DOCK4: variants seen among roughly 807,000 people sequenced by gnomAD.
DOCK4 encodes dedicator of cytokinesis protein 4.
In DOCK4, 97 loss-of-function variants were observed where a neutral mutation model predicts 268.1. The observed-to-expected ratio is 0.36, with a 90% confidence interval of 0.31 to 0.43. The LOEUF (loss-of-function observed/expected upper bound fraction) is 0.43. Among genes scored for constraint, DOCK4 ranks in the 20% least tolerant of loss-of-function variants. DOCK4 has a pLI of 1.00. For missense variants in DOCK4, 2,145 were observed against 2,455.7 expected (o/e 0.87, Z 2.67); for synonymous variants, 954 against 887.2 (o/e 1.08, Z -1.34).
chr7:112,091,450 A>G (rs999446193), intron 1 of DOCK4, among the ~76,000 whole-genome samples: 2 of 152,158 alleles, frequency 1.3e-5, no homozygotes, highest in Admixed American at 6.5e-5. Flanking sequence ...TCTGAATTCT[A>G]GAAAGATGTA....
At position 111,844,880 on chromosome 7, in the gene DOCK4, C is replaced by T; in HGVS notation, c.2619G>A (p.Glu873=). The T allele has an allele frequency of 6.2e-7, 1 of 1,611,414 alleles. No homozygotes were observed. Among genetic ancestry groups the T allele is most frequent in the Non-Finnish European group, 8.5e-7 (1 of 1,178,768 alleles). ...KKNSSEKSVL[E]EIDVIVASLL... ...AGCTGGCCACTATCACATCTATTTC[C>T]TCCAGCACAGATTTTTCCTTAAGAG... Residue 873 remains glutamate (E), a synonymous_variant, in exon 25 of 53, where the codon GAG becomes GAA. Coordinates refer to ENST00000428084, the MANE Select transcript of DOCK4 (RefSeq NM_001363540.2).
At chr7:111,811,758 T>G in intron 28 of DOCK4, 116 bp downstream of exon 28, 1 of 667,704 alleles carries the variant, frequency 1.5e-6, no homozygotes, top group Non-Finnish European at 2.7e-6. Context: ...ATGAAAACTG[T>G]TCTAATATTC....
rs1818030828 is a variant in DOCK4, at chr7:112,170,887, C to T, written c.37+35215G>A. Among the ~76,000 whole-genome samples, 4 of 152,268 alleles carry T rather than the reference C, an allele frequency of 2.6e-5. 1 individual carries two copies. The highest frequency in any genetic ancestry group is 9.6e-5 in the African/African-American group (4 of 41,568). On this transcript the variant is annotated intron_variant, in intron 1 of 52. Transcript: ENST00000428084. The stretch of plus-strand genomic sequence containing the variant: ...ACCATATATGATAAAAAAAATTGCA[C>T]TTTTAGTGCGATGATCCCAGTCAGA...
chr7:111,807,079 A>G (rs1012776544), intron 30 of DOCK4, among the ~76,000 whole-genome samples: 2 of 152,212 alleles, frequency 1.3e-5, no homozygotes, highest in Admixed American at 1.3e-4. Context: ...TTTATGTGGA[A>G]ATAACCATAG....
In DOCK4 at chr7:112,196,513, G is replaced by A. The variant is rs915566088; in HGVS notation, c.37+9589C>T. On this transcript the variant is annotated intron_variant, in intron 1 of 52. Coordinates refer to ENST00000428084, the MANE Select transcript of DOCK4 (RefSeq NM_001363540.2). ...ACCTACCCACCTTCCTGTCCTGCTCGTTTCTGAGAGTGGTCATCTCTCAAC... is the reference window on the plus strand; with the variant it reads ...ACCTACCCACCTTCCTGTCCTGCTCATTTCTGAGAGTGGTCATCTCTCAAC... 8.5e-5 allele frequency among the ~76,000 whole-genome samples: 13 copies of A among 152,066 alleles called. 1 individual carries two copies. Among genetic ancestry groups the A allele is most frequent in the African/African-American group, 1.2e-4 (5 of 41,410 alleles).
intron 23 of DOCK4, among the ~76,000 whole-genome samples, chr7:111,855,603 A>T (rs918942404): frequency 2.0e-5 from 3 of 152,152 alleles, no homozygotes; most frequent in Non-Finnish European, 2.9e-5. Context: ...CTAGAAATAT[A>T]AATGTGAGAG....
chr7:111,734,845 G>A (rs1167497189), intron 51 of DOCK4, among the ~76,000 whole-genome samples: 1 of 152,170 alleles, frequency 6.6e-6, no homozygotes, highest in Non-Finnish European at 1.5e-5. Flanking sequence ...AAATCTGTCC[G>A]AGAGGCTTAC....
intron 12 of DOCK4, among the ~76,000 whole-genome samples, chr7:111,926,116 G>C (rs1254639373): frequency 7.9e-6 from 1 of 126,860 alleles, no homozygotes; most frequent in Non-Finnish European, 1.6e-5. Flanking sequence ...GAGAGAGAAA[G>C]AGAAAAAGAA....
At chr7:111,942,548 G>C (rs1795295281) in intron 10 of DOCK4, among the ~76,000 whole-genome samples, 2 of 152,094 alleles carry the variant, frequency 1.3e-5, no homozygotes, top group Admixed American at 6.5e-5. Flanking sequence ...TTTCCTGCCA[G>C]TTCTGATCAG....
intron 51 of DOCK4, 46 bp from the exon 52 acceptor site, chr7:111,732,333 C>T (rs534077874): frequency 2.8e-5 from 44 of 1,594,636 alleles, no homozygotes; most frequent in South Asian, 7.8e-5. Context: ...AAAAACCAGA[C>T]GATTGACTAT....
At chr7:111,742,282 G>A (rs1299904462) in intron 44 of DOCK4, 150 bp from the exon 45 acceptor site, 1 of 772,106 alleles carries the variant, frequency 1.3e-6, no homozygotes, top group East Asian at 3.3e-5. Flanking sequence ...CACTTTACAG[G>A]TGAAGAAAAA....
intron 25 of DOCK4, among the ~76,000 whole-genome samples, chr7:111,839,279 C>T (rs190899699): frequency 6.6e-6 from 1 of 152,234 alleles, no homozygotes; most frequent in Admixed American, 6.5e-5. Flanking sequence ...CTTAACTATG[C>T]CTTGACTTAA....
rs1378743300 is a variant in DOCK4, at chr7:112,061,744, C to CAT, written c.38-57614_38-57613insAT. On this transcript the variant is annotated intron_variant, in intron 1 of 52. Coordinates refer to ENST00000428084, the MANE Select transcript of DOCK4 (RefSeq NM_001363540.2). ...CTGGGAAGATATTAACAATGTCACACACACACACACACACACACACACACA... is the reference window on the plus strand; with the variant it reads ...CTGGGAAGATATTAACAATGTCACACATACACACACACACACACACACACACA... Among the ~76,000 whole-genome samples the CAT allele has an allele frequency of 1.0e-4, 12 of 119,216 alleles. 1 individual carries two copies. In the South Asian group the frequency reaches 3.0e-3, roughly 29 times the overall value. The allele number at this position is 119,216 out of a possible 152,430, so 78.2% of individuals were successfully genotyped here.
At chr7:111,969,260 A>G (rs1797497705) in intron 8 of DOCK4, among the ~76,000 whole-genome samples, 1 of 151,992 alleles carries the variant, frequency 6.6e-6, no homozygotes, top group Admixed American at 6.6e-5. Context: ...TGACTGAAAA[A>G]AAAAAAGAAT....
chr7:111,984,034 T>C (rs149092986), intron 7 of DOCK4, among the ~76,000 whole-genome samples: 2,473 of 152,106 alleles, frequency 0.016, 40 homozygotes, highest in South Asian at 0.043. Flanking sequence ...AGACAAAAAG[T>C]AGAAAGATTT....
Position 111,940,171 on chromosome 7 carries a change from G to C in DOCK4, c.916C>G (p.Leu306Val), listed in dbSNP as rs764278048. The C allele has an allele frequency of 1.5e-4, 243 of 1,613,898 alleles. 1 individual carries two copies. Among genetic ancestry groups the C allele is most frequent in the Non-Finnish European group, 2.0e-4 (234 of 1,179,900 alleles). Residue 306 changes from leucine to valine, a missense_variant, in exon 11 of 53, where the codon CTT becomes GTT. Transcript: ENST00000428084. Reference sequence around the variant, plus strand: ...CCTGTTAGCAGGTCAGCGATGCTAAGAACTGCACAGCCAAAGGGTCGTCGG... The same window carrying C: ...CCTGTTAGCAGGTCAGCGATGCTAACAACTGCACAGCCAAAGGGTCGTCGG... Reference protein sequence around the residue: ...QYRRPFGCAVLSIADLLTGET... With the variant: ...QYRRPFGCAVVSIADLLTGET...
At position 111,735,102 on chromosome 7, in the gene DOCK4, T is replaced by C; in HGVS notation, c.5371A>G (p.Ser1791Gly). Residue 1791 changes from serine (S) to glycine (G), a missense_variant, in exon 51 of 53, where the codon AGT becomes GGT. Physicochemically the swap from Ser to Gly is moderately conservative, Grantham distance 56. Transcript: ENST00000428084. ...ACAGGGGGAGAGATAAGTTTCCCAC[T>C]ATCCGACATGTTCTTGGCTTCCTTC... ...SGKEAKNMSD[S>G]GKLISPPVPP... The C allele has an allele frequency of 6.2e-7, 1 of 1,602,692 alleles. No homozygotes were observed. Among genetic ancestry groups the C allele is most frequent in the Non-Finnish European group, 8.5e-7 (1 of 1,174,532 alleles).
chr7:112,204,741 GA>G (rs909948957), intron 1 of DOCK4, among the ~76,000 whole-genome samples: 31 of 148,444 alleles, frequency 2.1e-4, no homozygotes, highest in East Asian at 5.9e-4. Context: ...GCAAAGTTGG[GA>G]AAAAAAAAAA....
intron 1 of DOCK4, among the ~76,000 whole-genome samples, chr7:112,044,862 C>T (rs1804700979): frequency 6.6e-6 from 1 of 152,136 alleles, no homozygotes; most frequent in African/African-American, 2.4e-5. Flanking sequence ...CAAGCTCTCA[C>T]CATCTCTCAT....
Sources: gnomAD v4.1 joint callset for allele counts (sites outside exome capture counted in the v4.1 genomes callset) on GRCh38, gnomAD v4.1.1 for gene constraint, MANE v1.5 for transcripts, NCBI Gene and HGNC (gene_info 2026-07-23, HGNC 2026-07-21) for gene names.